Variants in INPP4B observed in about 807,000 individuals in gnomAD.
INPP4B encodes the protein inositol polyphosphate-4-phosphatase type II B, also known as inositol polyphosphate 4-phosphatase type II.
In INPP4B, 55 loss-of-function variants were observed where a neutral mutation model predicts 122.5. That is an observed-to-expected ratio of 0.45 (90% CI 0.36 to 0.56). The LOEUF is 0.56. Among genes scored for constraint, INPP4B ranks in the 20% least tolerant of loss-of-function variants. INPP4B has a pLI of 0.00. For synonymous variants in INPP4B, 403 were observed against 388.7 expected (o/e 1.04, Z -0.43); for missense variants, 1,000 against 1,097.7 (o/e 0.91, Z 1.26).
intron 2 of INPP4B, among the ~76,000 whole-genome samples, chr4:142,720,314 TA>T (rs1476812036): frequency 6.6e-6 from 1 of 152,160 alleles, no homozygotes; most frequent in East Asian, 1.9e-4. Context: ...GTTAGCAAAT[TA>T]AGGTCACAGG....
intron 14 of INPP4B, among the ~76,000 whole-genome samples, chr4:142,207,059 C>A (rs190685353): frequency 6.6e-6 from 1 of 152,024 alleles, no homozygotes; most frequent in Non-Finnish European, 1.5e-5. Context: ...GTATTTGTCC[C>A]TCTGTATCCT....
chr4:142,203,603 T>G (rs1259849102), intron 14 of INPP4B, among the ~76,000 whole-genome samples: 2 of 152,058 alleles, frequency 1.3e-5, no homozygotes, highest in African/African-American at 4.8e-5. Context: ...GTTTAAGTAA[T>G]GAATAAGGAT....
intron 7 of INPP4B, among the ~76,000 whole-genome samples, chr4:142,349,428 G>T (rs2151790808): frequency 6.6e-6 from 1 of 152,116 alleles, no homozygotes; most frequent in East Asian, 1.9e-4. Context: ...TATTATAGTA[G>T]CTTAGCACTA....
At chr4:142,364,546 G>A (rs956152181) in intron 7 of INPP4B, among the ~76,000 whole-genome samples, 2 of 152,026 alleles carry the variant, frequency 1.3e-5, no homozygotes, top group Non-Finnish European at 2.9e-5. Flanking sequence ...TAAGCCAAGG[G>A]AAAGCAAATT....
At chr4:142,065,443 T>C (rs180912157) in intron 25 of INPP4B, among the ~76,000 whole-genome samples, 1 of 152,184 alleles carries the variant, frequency 6.6e-6, no homozygotes, top group East Asian at 1.9e-4. Context: ...TATGCCCCTG[T>C]TTTGTTGTAG....
At chr4:142,592,059 C>T (rs1580448492) in intron 2 of INPP4B, among the ~76,000 whole-genome samples, 2 of 152,150 alleles carry the variant, frequency 1.3e-5, no homozygotes, top group East Asian at 1.9e-4. Flanking sequence ...ACCACACTTG[C>T]ACAAAATGTT....
At chr4:142,568,852 T>C (rs868476121) in intron 2 of INPP4B, among the ~76,000 whole-genome samples, 1 of 152,116 alleles carries the variant, frequency 6.6e-6, no homozygotes, top group Non-Finnish European at 1.5e-5. Flanking sequence ...GGTGATAATT[T>C]AGTAGCTCAG....
At chr4:142,582,993 G>T (rs1212741683) in intron 2 of INPP4B, among the ~76,000 whole-genome samples, 1 of 152,076 alleles carries the variant, frequency 6.6e-6, no homozygotes, top group Non-Finnish European at 1.5e-5. Context: ...TATATGAAAT[G>T]CAGAGAATGC....
intron 2 of INPP4B, among the ~76,000 whole-genome samples, chr4:142,715,314 G>GCCC (rs888636940): frequency 6.6e-6 from 1 of 152,204 alleles, no homozygotes; most frequent in Non-Finnish European, 1.5e-5. Flanking sequence ...TAAATATTGA[G>GCCC]CACTTGAAAT....
At chr4:142,600,920 G>C (rs1181017013) in intron 2 of INPP4B, among the ~76,000 whole-genome samples, 1 of 151,832 alleles carries the variant, frequency 6.6e-6, no homozygotes, top group African/African-American at 2.4e-5. Flanking sequence ...AGACTTTTAA[G>C]GACTAACAGC....
At chr4:142,252,246 T>A (rs1046295510) in intron 11 of INPP4B, among the ~76,000 whole-genome samples, 3 of 147,460 alleles carry the variant, frequency 2.0e-5, no homozygotes, top group African/African-American at 7.5e-5. Flanking sequence ...TGGAGTGCAG[T>A]GGCGCGATCT....
intron 2 of INPP4B, among the ~76,000 whole-genome samples, chr4:142,513,415 T>A (rs1580253815): frequency 6.7e-6 from 1 of 149,612 alleles, no homozygotes; most frequent in Non-Finnish European, 1.5e-5. Flanking sequence ...GTCTCTCTCT[T>A]TTTTTTTTTG....
chr4:142,832,942 G>A (rs564084385), intron 1 of INPP4B, among the ~76,000 whole-genome samples: 1 of 152,250 alleles, frequency 6.6e-6, no homozygotes, highest in South Asian at 2.1e-4. Context: ...ACAGTGAAGT[G>A]TATGTTGCTT....
intron 2 of INPP4B, among the ~76,000 whole-genome samples, chr4:142,623,767 G>T (rs1745552054): frequency 7.0e-6 from 1 of 143,576 alleles, no homozygotes; most frequent in African/African-American, 2.6e-5. Flanking sequence ...CCCTTCCTGT[G>T]TCCATGTGTT....
chr4:142,251,840 A>T (rs2150201896), intron 11 of INPP4B, among the ~76,000 whole-genome samples: 1 of 152,260 alleles, frequency 6.6e-6, no homozygotes, highest in Admixed American at 6.5e-5. Flanking sequence ...TGTATTTGTA[A>T]GCTGCTGAAG....
At chr4:142,490,424 ATTCT>A (rs1821734850) in intron 2 of INPP4B, among the ~76,000 whole-genome samples, 3 of 151,940 alleles carry the variant, frequency 2.0e-5, no homozygotes, top group East Asian at 1.9e-4. Flanking sequence ...TATTTTCTTT[ATTCT>A]TTCTAACTGA....
At chr4:142,715,615 A>C (rs1252205060) in intron 2 of INPP4B, among the ~76,000 whole-genome samples, 1 of 152,202 alleles carries the variant, frequency 6.6e-6, no homozygotes. Flanking sequence ...GCATAGGTGA[A>C]AGTGGAATGG....
intron 5 of INPP4B, among the ~76,000 whole-genome samples, chr4:142,428,524 T>C (rs1400323389): frequency 6.6e-6 from 1 of 151,894 alleles, no homozygotes; most frequent in East Asian, 1.9e-4. Context: ...TTCCTAATGG[T>C]ATTTTTGCAG....
intron 9 of INPP4B, among the ~76,000 whole-genome samples, chr4:142,303,070 G>A (rs1284069151): frequency 6.6e-6 from 1 of 151,996 alleles, no homozygotes; most frequent in Non-Finnish European, 1.5e-5. Context: ...TTAAGTTTGA[G>A]TCTAAATCTA....
Sources: gnomAD v4.1 joint callset for allele counts (sites outside exome capture counted in the v4.1 genomes callset) on GRCh38, gnomAD v4.1.1 for gene constraint, MANE v1.5 for transcripts, NCBI Gene and HGNC (gene_info 2026-07-23, HGNC 2026-07-21) for gene names.